CHRM5: variants seen among roughly 807,000 people sequenced by gnomAD.
CHRM5 encodes cholinergic receptor muscarinic 5.
In CHRM5, 18 loss-of-function variants were observed where a neutral mutation model predicts 39.0. The ratio of observed to expected loss-of-function variants is 0.46; its 90% CI spans 0.32 to 0.68. The LOEUF (loss-of-function observed/expected upper bound fraction) is 0.68, where lower values mean the gene tolerates loss of function less well. Ranked by LOEUF, CHRM5 falls within the 30% of genes least tolerant of loss-of-function variation. The probability of loss-of-function intolerance (pLI) is 0.04; values close to 1 mark genes in which losing one functional copy is unlikely to be tolerated. For missense variants in CHRM5, 515 were observed against 651.1 expected (o/e 0.79, Z 2.28); for synonymous variants, 241 against 246.3 (o/e 0.98, Z 0.20).
chr15:34,046,111 G>T (rs1186619729), intron 1 of CHRM5, among the ~76,000 whole-genome samples: 3 of 152,138 alleles, frequency 2.0e-5, no homozygotes. Context: ...ATTTGCCTCT[G>T]CAACTTTCCT....
At chr15:33,990,187 G>A (rs551851630) in intron 1 of CHRM5, among the ~76,000 whole-genome samples, 4 of 151,790 alleles carry the variant, frequency 2.6e-5, no homozygotes, top group African/African-American at 9.7e-5. Flanking sequence ...CTGGGCAACA[G>A]GGTGAGACTC....
At chr15:34,026,324 G>C (rs1166761361) in intron 1 of CHRM5, among the ~76,000 whole-genome samples, 2 of 152,050 alleles carry the variant, frequency 1.3e-5, no homozygotes, top group Non-Finnish European at 2.9e-5. Context: ...TTCCTACTAT[G>C]TGACAGCAAA....
intron 2 of CHRM5, among the ~76,000 whole-genome samples, chr15:34,061,182 G>T (rs1194952598): frequency 6.6e-6 from 1 of 152,094 alleles, no homozygotes; most frequent in Non-Finnish European, 1.5e-5. Context: ...CAAGCTTGGA[G>T]GTCAGAGGTG....
At chr15:33,971,300 A>G (rs552037214) in intron 1 of CHRM5, among the ~76,000 whole-genome samples, 35 of 152,184 alleles carry the variant, frequency 2.3e-4, no homozygotes, top group African/African-American at 7.7e-4. Context: ...ATATAAAAGT[A>G]TTATATTGTA....
chr15:33,995,969 C>G (rs180951632), intron 1 of CHRM5, among the ~76,000 whole-genome samples: 1 of 152,304 alleles, frequency 6.6e-6, no homozygotes, highest in East Asian at 1.9e-4. Context: ...AATCTGGACA[C>G]TTCCGCCCAA....
At chr15:34,043,146 C>A (rs1899546931) in intron 1 of CHRM5, among the ~76,000 whole-genome samples, 1 of 151,552 alleles carries the variant, frequency 6.6e-6, no homozygotes, top group Non-Finnish European at 1.5e-5. Flanking sequence ...ACTTGGGAGG[C>A]TGAGGCAGGA....
At chr15:34,040,114 C>T (rs1899403902) in intron 1 of CHRM5, among the ~76,000 whole-genome samples, 1 of 152,062 alleles carries the variant, frequency 6.6e-6, no homozygotes, top group African/African-American at 2.4e-5. Flanking sequence ...TTCATTGCTT[C>T]TAATTGCCTA....
At chr15:33,977,146 C>T (rs1178379344) in intron 1 of CHRM5, among the ~76,000 whole-genome samples, 1 of 152,174 alleles carries the variant, frequency 6.6e-6, no homozygotes, top group Non-Finnish European at 1.5e-5. Context: ...ACAAAATCCG[C>T]ACTACCTTTT....
chr15:33,992,075 A>G (rs1000548348), intron 1 of CHRM5: 2 of 152,262 alleles, frequency 1.3e-5, no homozygotes, highest in Non-Finnish European at 2.9e-5. Context: ...TTCTGCTCTT[A>G]TCTTTTGAAG....
intron 1 of CHRM5, among the ~76,000 whole-genome samples, chr15:34,016,505 T>G (rs973307026): frequency 5.3e-5 from 8 of 152,082 alleles, no homozygotes; most frequent in African/African-American, 1.9e-4. Flanking sequence ...CCCTTTCCCT[T>G]CATACCACAC....
intron 1 of CHRM5, among the ~76,000 whole-genome samples, chr15:34,022,880 C>T (rs1000644295): frequency 1.3e-5 from 2 of 152,226 alleles, no homozygotes; most frequent in African/African-American, 2.4e-5. Flanking sequence ...GCCTTTGGCT[C>T]AAAGCCAGAT....
rs369194075 is a variant in CHRM5, at chr15:34,050,787, A to G, written c.-76+3916A>G. 9.9e-5 allele frequency among the ~76,000 whole-genome samples: 15 copies of G among 152,240 alleles called. No homozygotes were observed. The East Asian group carries it at 1.3e-3, about 14-fold the overall frequency. On this transcript the variant is annotated intron_variant, in intron 2 of 2. Transcript: ENST00000383263. ...ACATAATGGTAAAGGGTTCAATTCA[A>G]CAAGAAGAGCTAACTATCCTAAATG...
intron 1 of CHRM5, among the ~76,000 whole-genome samples, chr15:34,006,085 G>GCAGATGA (rs1897325758): frequency 6.6e-6 from 1 of 152,230 alleles, no homozygotes; most frequent in South Asian, 2.1e-4. Context: ...GCCGAGGAGG[G>GCAGATGA]CAGATCACAA....
intron 1 of CHRM5, among the ~76,000 whole-genome samples, chr15:34,004,316 CACAATGTGA>C (rs143895011): frequency 0.015 from 2,337 of 152,220 alleles, 60 homozygotes; most frequent in African/African-American, 0.052. Flanking sequence ...CAGAAAGATG[CACAATGTGA>C]ACAATTCTAG....
At chr15:34,017,399 G>A (rs1358341729) in intron 1 of CHRM5, among the ~76,000 whole-genome samples, 1 of 151,398 alleles carries the variant, frequency 6.6e-6, no homozygotes, top group Non-Finnish European at 1.5e-5. Context: ...GATTTTTCAG[G>A]TAATGTCCCT....
chr15:34,058,834 A>G (rs1172655315), intron 2 of CHRM5, among the ~76,000 whole-genome samples: 4 of 152,136 alleles, frequency 2.6e-5, no homozygotes, highest in Admixed American at 6.6e-5. Context: ...TTTTGACACA[A>G]TATAATATAC....
intron 1 of CHRM5, chr15:34,007,178 C>A: frequency 2.6e-6 from 1 of 386,774 alleles, no homozygotes; most frequent in Non-Finnish European, 3.5e-6. Context: ...ACACACAAAT[C>A]CATTTAAAAC....
At chr15:33,979,584 T>A (rs1229331723) in intron 1 of CHRM5, among the ~76,000 whole-genome samples, 1 of 152,234 alleles carries the variant, frequency 6.6e-6, no homozygotes, top group Non-Finnish European at 1.5e-5. Flanking sequence ...TGGCCTTAAG[T>A]TAAACCTCAA....
At chr15:33,993,060 A>G (rs1896794146) in intron 1 of CHRM5, among the ~76,000 whole-genome samples, 1 of 152,224 alleles carries the variant, frequency 6.6e-6, no homozygotes, top group Non-Finnish European at 1.5e-5. Context: ...CATTCTGCTC[A>G]CACTGTTAAA....
Sources: gnomAD v4.1 joint callset for allele counts (sites outside exome capture counted in the v4.1 genomes callset) on GRCh38, gnomAD v4.1.1 for gene constraint, MANE v1.5 for transcripts, NCBI Gene and HGNC (gene_info 2026-07-23, HGNC 2026-07-21) for gene names.